Variants in TINAG observed in about 807,000 individuals in gnomAD.
The protein encoded by TINAG is tubulointerstitial nephritis antigen.
Under a neutral mutation model 72.7 loss-of-function variants are expected in TINAG, and 83 were observed. The ratio of observed to expected loss-of-function variants is 1.14; its 90% CI spans 0.96 to 1.37. TINAG has a LOEUF of 1.37. TINAG is among the 40% of genes most tolerant of loss of function. The pLI is 0.00. For missense variants in TINAG, 685 were observed against 576.6 expected, an observed-to-expected ratio of 1.19 and a Z score of -1.93; for synonymous variants, 234 against 189.9, an observed-to-expected ratio of 1.23 and a Z score of -1.91.
intron 9 of TINAG, among the ~76,000 whole-genome samples, chr6:54,371,981 G>GTTTTTTTTTTGTTTGTTTGTTTT (rs1763624831): frequency 9.8e-5 from 7 of 71,418 alleles, no homozygotes; most frequent in South Asian, 6.6e-4. Context: ...TTCAAGTCAT[G>GTTTTTTTTTTGTTTGTTTGTTTT]TTTTTTTTTT....
intron 6 of TINAG, among the ~76,000 whole-genome samples, chr6:54,349,169 C>T (rs998894287): frequency 1.3e-5 from 2 of 151,502 alleles, no homozygotes; most frequent in Non-Finnish European, 2.9e-5. Flanking sequence ...TACTATTTCC[C>T]TCAAAGTATC....
At chr6:54,377,134 A>AAAAAC (rs1449886962) in intron 9 of TINAG, among the ~76,000 whole-genome samples, 1 of 152,156 alleles carries the variant, frequency 6.6e-6, no homozygotes, top group East Asian at 1.9e-4. Context: ...TTCCTTGAGG[A>AAAAAC]AAAACAAAAC....
intron 4 of TINAG, among the ~76,000 whole-genome samples, chr6:54,337,954 G>A (rs143867621): frequency 0.015 from 2,341 of 152,206 alleles, 30 homozygotes; most frequent in Non-Finnish European, 0.022. Flanking sequence ...TATGATAGTC[G>A]TTCTTGCTGT....
In TINAG at chr6:54,351,403, C is replaced by CCA. The variant is rs1785263699; in HGVS notation, c.1126+6_1126+7insCA. 6.2e-6 allele frequency: 10 copies of CCA among 1,609,202 alleles called. No homozygotes were observed. Among genetic ancestry groups the CCA allele is most frequent in the Non-Finnish European group, 8.5e-6 (10 of 1,177,164 alleles). Reference sequence around the variant, plus strand: ...GCAAAATGGACCAGTTCAAGGTAAGCTTGAATGAAATACGGTTTTTTCTTA... The same window carrying CCA: ...GCAAAATGGACCAGTTCAAGGTAAGCCATTGAATGAAATACGGTTTTTTCTTA... On this transcript the variant is annotated splice_region_variant and intron_variant, in intron 8 of 10. Transcript: ENST00000259782.
chr6:54,389,809 G>T lies in TINAG; in HGVS notation c.1315G>T (p.Gly439Ter). ...EKFWIAANSW[G>*]KSWGENGYFR... Reference sequence around the variant, plus strand: ...TCTGCAGATTGCTGCCAATTCCTGGGGAAAGTCATGGGGAGAGAATGGCTA... The same window carrying T: ...TCTGCAGATTGCTGCCAATTCCTGGTGAAAGTCATGGGGAGAGAATGGCTA... Residue 439 changes from glycine to a stop codon, truncating the protein, a stop_gained, in exon 11 of 11, where the codon GGA (glycine) becomes TGA (stop). Transcript: ENST00000259782. LOFTEE classifies it high-confidence loss of function. The T allele has an allele frequency of 6.3e-7, 1 of 1,588,110 alleles. No individual in the cohort carries two copies. The highest frequency in any genetic ancestry group is 8.5e-7 in the Non-Finnish European group (1 of 1,170,524).
chr6:54,326,540 A>T (rs1225858163), intron 3 of TINAG, among the ~76,000 whole-genome samples: 1 of 152,100 alleles, frequency 6.6e-6, no homozygotes, highest in Admixed American at 6.6e-5. Flanking sequence ...TTAACACTTA[A>T]TCCCTTTGTG....
intron 10 of TINAG, among the ~76,000 whole-genome samples, chr6:54,383,860 C>A (rs1201479875): frequency 2.6e-5 from 4 of 151,990 alleles, no homozygotes; most frequent in Non-Finnish European, 4.4e-5. Context: ...TGGGTATATA[C>A]CCAAAAGATT....
chr6:54,384,190 C>T (rs1764029565), intron 10 of TINAG, among the ~76,000 whole-genome samples: 1 of 152,050 alleles, frequency 6.6e-6, no homozygotes. Context: ...ACATCACACA[C>T]TGGGGCCTGT....
intron 4 of TINAG, among the ~76,000 whole-genome samples, chr6:54,333,626 A>AT (rs1284996501): frequency 1.0e-4 from 15 of 150,552 alleles, no homozygotes; most frequent in Admixed American, 4.0e-4. Flanking sequence ...TAAAAAAAAA[A>AT]AAAATAAAAT....
At chr6:54,344,661 A>G (rs1395306143) in intron 5 of TINAG, among the ~76,000 whole-genome samples, 4 of 152,198 alleles carry the variant, frequency 2.6e-5, no homozygotes, top group Non-Finnish European at 5.9e-5. Context: ...TGAAATACTG[A>G]AAGCAACTTG....
intron 1 of TINAG, among the ~76,000 whole-genome samples, chr6:54,315,911 G>A (rs910404482): frequency 3.3e-5 from 5 of 152,032 alleles, no homozygotes; most frequent in South Asian, 2.1e-4. Context: ...ATTCGAAGAG[G>A]GTTATTTACT....
At chr6:54,383,436 AAATTCT>A (rs1414912581) in intron 10 of TINAG, among the ~76,000 whole-genome samples, 3 of 152,140 alleles carry the variant, frequency 2.0e-5, no homozygotes, top group African/African-American at 7.2e-5. Flanking sequence ...AGCAAGCCAT[AAATTCT>A]ACTAAATAAG....
chr6:54,339,678 G>A (rs1336354999), intron 4 of TINAG, among the ~76,000 whole-genome samples: 1 of 152,126 alleles, frequency 6.6e-6, no homozygotes, highest in Admixed American at 6.6e-5. Flanking sequence ...TAAAGGTAAG[G>A]CACAAAGACA....
chr6:54,310,710 C>T (rs1238150220), intron 1 of TINAG, among the ~76,000 whole-genome samples: 2 of 120,156 alleles, frequency 1.7e-5, no homozygotes, highest in African/African-American at 3.1e-5. Flanking sequence ...CTCTCTCTTT[C>T]TCTCCCTCTT....
At chr6:54,357,169 A>C (rs904959402) in intron 9 of TINAG, among the ~76,000 whole-genome samples, 2 of 151,918 alleles carry the variant, frequency 1.3e-5, no homozygotes, top group East Asian at 3.9e-4. Context: ...CATCCTCTTC[A>C]TCTGATTTTT....
chr6:54,345,628 C>G (rs1453927298), intron 5 of TINAG, among the ~76,000 whole-genome samples: 1 of 152,082 alleles, frequency 6.6e-6, no homozygotes, highest in East Asian at 1.9e-4. Context: ...AAGAATTTCT[C>G]CTTTCCTTGA....
At chr6:54,354,435 G>T in intron 8 of TINAG, 78 bp from the exon 9 acceptor site, 1 of 1,364,184 alleles carries the variant, frequency 7.3e-7, no homozygotes, top group Non-Finnish European at 1.0e-6. Context: ...CCCATTGGTT[G>T]TTCCGTGAAA....
chr6:54,329,783 A>G (rs1356221995), intron 4 of TINAG, among the ~76,000 whole-genome samples: 3 of 152,134 alleles, frequency 2.0e-5, no homozygotes, highest in African/African-American at 7.2e-5. Context: ...AGGAATATTT[A>G]CCAAGTAAAT....
chr6:54,327,317 T>C, intron 4 of TINAG: 1 of 829,122 alleles, frequency 1.2e-6, no homozygotes, highest in South Asian at 1.8e-5. Flanking sequence ...AGAAGCAGGG[T>C]AGGATGTCAC....
Sources: gnomAD v4.1 joint callset for allele counts (sites outside exome capture counted in the v4.1 genomes callset) on GRCh38, gnomAD v4.1.1 for gene constraint, MANE v1.5 for transcripts, NCBI Gene and HGNC (gene_info 2026-07-23, HGNC 2026-07-21) for gene names.